The following IQCJ variants were observed in gnomAD, a reference collection of about 807,000 sequenced individuals.
IQCJ encodes the protein IQ motif containing J, also known as IQ domain-containing protein J.
IQCJ carries 9 observed loss-of-function variants against 11.0 expected under a neutral mutation model. That is an observed-to-expected ratio of 0.82 (90% CI 0.49 to 1.43). The LOEUF is 1.43. IQCJ is among the 40% of genes most tolerant of loss of function. The pLI, the probability that IQCJ is intolerant of heterozygous loss-of-function variation, is 0.00. For missense variants in IQCJ, 146 were observed against 133.2 expected (o/e 1.10, Z -0.47); for synonymous variants, 55 against 51.3 (o/e 1.07, Z -0.31).
chr3:159,246,885 A>G (rs1434634853), intron 2 of IQCJ, among the ~76,000 whole-genome samples: 1 of 152,190 alleles, frequency 6.6e-6, no homozygotes, highest in African/African-American at 2.4e-5. Flanking sequence ...ATGGAGAAAC[A>G]GCATTGTGAC....
chr3:159,153,801 T>A (rs1449995633), intron 1 of IQCJ, among the ~76,000 whole-genome samples: 2 of 152,234 alleles, frequency 1.3e-5, no homozygotes, highest in Non-Finnish European at 2.9e-5. Context: ...TATATGGGGC[T>A]GAGTATACCT....
chr3:159,187,622 A>G (rs55989643), intron 1 of IQCJ, among the ~76,000 whole-genome samples: 15,086 of 152,164 alleles, frequency 0.099, 2,501 homozygotes, highest in African/African-American at 0.35. Context: ...CATGCTGTAG[A>G]TGGCAGGAAC....
intron 1 of IQCJ, among the ~76,000 whole-genome samples, chr3:159,162,359 T>A (rs1333532857): frequency 5.3e-5 from 8 of 152,158 alleles, no homozygotes; most frequent in African/African-American, 1.9e-4. Context: ...TAAGAATGCT[T>A]GTGATTTTTG....
chr3:159,077,572 T>C (rs1384180148), intron 1 of IQCJ, among the ~76,000 whole-genome samples: 2 of 152,108 alleles, frequency 1.3e-5, no homozygotes, highest in African/African-American at 4.8e-5. Flanking sequence ...ACAAACATAC[T>C]TTTAGGAAAA....
chr3:159,248,761 A>G (rs1242532578), intron 2 of IQCJ, among the ~76,000 whole-genome samples: 1 of 152,188 alleles, frequency 6.6e-6, no homozygotes, highest in African/African-American at 2.4e-5. Context: ...CACTTATTCA[A>G]TAATCTCCTC....
chr3:159,132,848 A>G (rs1038547319), intron 1 of IQCJ, among the ~76,000 whole-genome samples: 2 of 152,188 alleles, frequency 1.3e-5, no homozygotes, highest in Non-Finnish European at 2.9e-5. Flanking sequence ...ACGTGAGAAT[A>G]CTGATCTACA....
chr3:159,078,953 C>T (rs953281266), intron 1 of IQCJ, among the ~76,000 whole-genome samples: 4 of 152,022 alleles, frequency 2.6e-5, no homozygotes, highest in Non-Finnish European at 4.4e-5. Context: ...AATAAACACC[C>T]ATGGCAATAA....
At chr3:159,233,352 G>A (rs1365738121) in intron 1 of IQCJ, among the ~76,000 whole-genome samples, 2 of 152,122 alleles carry the variant, frequency 1.3e-5, no homozygotes, top group African/African-American at 4.8e-5. Flanking sequence ...GGCATTTCAG[G>A]TTGCTCCTTC....
chr3:159,106,108 G>A (rs978420118), intron 1 of IQCJ, among the ~76,000 whole-genome samples: 1 of 152,132 alleles, frequency 6.6e-6, no homozygotes, highest in African/African-American at 2.4e-5. Flanking sequence ...TAGGAGAAGA[G>A]GAGAATGGAA....
At chr3:159,222,625 G>A (rs1201434957) in intron 1 of IQCJ, among the ~76,000 whole-genome samples, 1 of 152,108 alleles carries the variant, frequency 6.6e-6, no homozygotes, top group Non-Finnish European at 1.5e-5. Flanking sequence ...CTAATGTACA[G>A]CAGGAGGACT....
chr3:159,174,795 A>AT (rs538683968), intron 1 of IQCJ, among the ~76,000 whole-genome samples: 4 of 150,104 alleles, frequency 2.7e-5, no homozygotes, highest in East Asian at 1.9e-4. Context: ...ATTTTGTAGT[A>AT]TTTTTTTTTC....
chr3:159,230,459 A>C (rs1726180974), intron 1 of IQCJ, among the ~76,000 whole-genome samples: 1 of 152,218 alleles, frequency 6.6e-6, no homozygotes. Context: ...GGATGCTAAA[A>C]TTTATGATAC....
At chr3:159,109,355 A>C (rs1166975676) in intron 1 of IQCJ, among the ~76,000 whole-genome samples, 1 of 152,172 alleles carries the variant, frequency 6.6e-6, no homozygotes, top group Non-Finnish European at 1.5e-5. Context: ...CACAGCCCAC[A>C]AGAGTTACTT....
chr3:159,240,735 G>C (rs1726867336), intron 1 of IQCJ, among the ~76,000 whole-genome samples: 1 of 151,918 alleles, frequency 6.6e-6, no homozygotes, highest in African/African-American at 2.4e-5. Flanking sequence ...CACTACAGGA[G>C]TGCACCACTA....
intron 1 of IQCJ, among the ~76,000 whole-genome samples, chr3:159,108,439 A>T (rs757807904): frequency 1.3e-5 from 2 of 152,192 alleles, no homozygotes; most frequent in Non-Finnish European, 2.9e-5. Flanking sequence ...GTGTTTTGTC[A>T]TCTTAGGTAT....
chr3:159,199,991 CTG>C, intron 1 of IQCJ, among the ~76,000 whole-genome samples: 1 of 142,392 alleles, frequency 7.0e-6, no homozygotes, highest in East Asian at 2.2e-4. Context: ...ATAGGGAAAA[CTG>C]TAATTTATTC....
rs534535921 is a variant in IQCJ at position 159,161,396 on chromosome 3, ATTTG to A, written c.10-84442_10-84439del. Among the ~76,000 whole-genome samples, 344 of 152,106 alleles carry A rather than the reference ATTTG, an allele frequency of 2.3e-3. 1 individual carries two copies. The highest frequency in any genetic ancestry group is 8.0e-3 in the African/African-American group (332 of 41,480). Reference sequence around the variant, plus strand: ...GTGGTTGTTTGTTTTTTTCTTGTAAATTTGTTTGAGTTCATTGTAGATTCTGGAT... The same window carrying A: ...GTGGTTGTTTGTTTTTTTCTTGTAAATTTGAGTTCATTGTAGATTCTGGAT... On this transcript the variant is annotated intron_variant, in intron 1 of 3. Transcript: ENST00000397832.
At chr3:159,168,308 A>T (rs1722291339) in intron 1 of IQCJ, among the ~76,000 whole-genome samples, 1 of 152,230 alleles carries the variant, frequency 6.6e-6, no homozygotes, top group Admixed American at 6.5e-5. Context: ...CTTGAAAAAA[A>T]TCTTTTAAAA....
intron 1 of IQCJ, among the ~76,000 whole-genome samples, chr3:159,178,866 T>C (rs1722935297): frequency 6.6e-6 from 1 of 152,174 alleles, no homozygotes; most frequent in East Asian, 1.9e-4. Context: ...GTTCTCAAGT[T>C]TGAGTCTTCT....
Sources: gnomAD v4.1 joint callset for allele counts (sites outside exome capture counted in the v4.1 genomes callset) on GRCh38, gnomAD v4.1.1 for gene constraint, MANE v1.5 for transcripts, NCBI Gene and HGNC (gene_info 2026-07-23, HGNC 2026-07-21) for gene names.